DPYD: variants seen among roughly 807,000 people sequenced by gnomAD.
DPYD encodes the protein dihydropyrimidine dehydrogenase.
A neutral mutation model predicts 116.2 loss-of-function variants in DPYD; 109 were observed. That is an observed-to-expected ratio of 0.94 (90% CI 0.80 to 1.10). The LOEUF (loss-of-function observed/expected upper bound fraction) is 1.10. DPYD is among the 50% of genes least tolerant of loss of function. The pLI, the probability that DPYD is intolerant of heterozygous loss-of-function variation, is 0.00. For missense variants in DPYD, 1,302 were observed against 1,254.5 expected (o/e 1.04, Z -0.57); for synonymous variants, 440 against 432.0 (o/e 1.02, Z -0.23).
intron 11 of DPYD, among the ~76,000 whole-genome samples, chr1:97,570,485 G>C (rs1652818498): frequency 6.6e-6 from 1 of 151,910 alleles, no homozygotes; most frequent in South Asian, 2.1e-4. Flanking sequence ...AGAAAATATA[G>C]GTGGATACAC....
chr1:97,133,586 C>T (rs1653497428), intron 20 of DPYD, among the ~76,000 whole-genome samples: 1 of 152,114 alleles, frequency 6.6e-6, no homozygotes, highest in South Asian at 2.1e-4. Context: ...TGATCTTTTT[C>T]TTCTGTAATT....
intron 2 of DPYD, among the ~76,000 whole-genome samples, chr1:97,844,292 CG>C (rs1670182272): frequency 6.6e-6 from 1 of 152,122 alleles, no homozygotes; most frequent in Non-Finnish European, 1.5e-5. Flanking sequence ...TCTCAGAAGT[CG>C]TAAGTGTCTT....
intron 16 of DPYD, among the ~76,000 whole-genome samples, chr1:97,310,087 C>G (rs1270693972): frequency 1.3e-5 from 2 of 151,730 alleles, no homozygotes; most frequent in Non-Finnish European, 2.9e-5. Context: ...ACATTTCTCT[C>G]CCATTTACCT....
At chr1:97,507,968 G>A (rs572767948) in intron 13 of DPYD, among the ~76,000 whole-genome samples, 2 of 152,044 alleles carry the variant, frequency 1.3e-5, no homozygotes, top group South Asian at 2.1e-4. Context: ...GCTGTCATGT[G>A]GAATTGTGGT....
chr1:97,793,979 C>A (rs1240833224), intron 3 of DPYD, among the ~76,000 whole-genome samples: 1 of 152,074 alleles, frequency 6.6e-6, no homozygotes, highest in Admixed American at 6.6e-5. Context: ...CTCCAGTCGC[C>A]CAAGCTAGAG....
chr1:97,894,930 G>C (rs988332447), intron 1 of DPYD, among the ~76,000 whole-genome samples: 2 of 151,412 alleles, frequency 1.3e-5, no homozygotes, highest in Non-Finnish European at 3.0e-5. Context: ...AATACACGTT[G>C]GAATATCTTG....
chr1:97,179,143 A>G (rs1290870049), intron 20 of DPYD, among the ~76,000 whole-genome samples: 2 of 152,200 alleles, frequency 1.3e-5, no homozygotes, highest in African/African-American at 2.4e-5. Flanking sequence ...AGCACTAGCA[A>G]TATCTACCAC....
At chr1:97,128,211 T>C (rs1652996881) in intron 20 of DPYD, among the ~76,000 whole-genome samples, 2 of 152,330 alleles carry the variant, frequency 1.3e-5, no homozygotes, top group East Asian at 3.9e-4. Context: ...ATAAGTTTTC[T>C]CACCCCAAAA....
intron 20 of DPYD, among the ~76,000 whole-genome samples, chr1:97,156,871 T>A (rs1200151827): frequency 6.6e-6 from 1 of 151,892 alleles, no homozygotes; most frequent in Non-Finnish European, 1.5e-5. Context: ...CCAACCCAAA[T>A]GTCCAACAAT....
intron 13 of DPYD, among the ~76,000 whole-genome samples, chr1:97,492,853 A>G (rs1002367016): frequency 1.3e-5 from 2 of 152,180 alleles, no homozygotes; most frequent in African/African-American, 4.8e-5. Context: ...AACAAAATCC[A>G]TTTGAAATAC....
At chr1:97,537,999 G>A (rs917501229) in intron 12 of DPYD, among the ~76,000 whole-genome samples, 6 of 151,766 alleles carry the variant, frequency 4.0e-5, no homozygotes, top group Non-Finnish European at 7.4e-5. Flanking sequence ...CCCGGGAGGC[G>A]GAGGTTGCAG....
chr1:97,182,560 C>A (rs2101801663), intron 20 of DPYD, among the ~76,000 whole-genome samples: 1 of 152,206 alleles, frequency 6.6e-6, no homozygotes, highest in East Asian at 1.9e-4. Flanking sequence ...CAAATATCAT[C>A]TGGAACTTTT....
At chr1:97,714,655 C>T (rs138060286) in intron 5 of DPYD, among the ~76,000 whole-genome samples, 9 of 49,928 alleles carry the variant, frequency 1.8e-4, no homozygotes, top group African/African-American at 4.3e-4. Flanking sequence ...AAAGAAAAGA[C>T]AAAAAAAAAA....
At chr1:97,280,765 A>G (rs1217653583) in intron 18 of DPYD, among the ~76,000 whole-genome samples, 2 of 152,160 alleles carry the variant, frequency 1.3e-5, no homozygotes, top group African/African-American at 2.4e-5. Flanking sequence ...GGGCCTGGAT[A>G]GGTTAGTCAA....
At chr1:97,587,592 G>A (rs747365009) in intron 10 of DPYD, among the ~76,000 whole-genome samples, 39 of 152,152 alleles carry the variant, frequency 2.6e-4, no homozygotes, top group South Asian at 2.1e-4. Context: ...TTGGGAGGCC[G>A]AGGAGGGCGG....
chr1:97,871,426 A>C lies in DPYD; in HGVS notation c.150+11838T>G, dbSNP rs535647616. ...ACTCTTGGGCCATTCTAAGAGAGGG[A>C]ACACATTTCAGGTTAGCAGTTAGTA... On this transcript the variant is annotated intron_variant, in intron 2 of 22. Coordinates refer to ENST00000370192, the MANE Select transcript of DPYD (RefSeq NM_000110.4). Among the ~76,000 whole-genome samples, 238 of 151,866 alleles carry C rather than the reference A, an allele frequency of 1.6e-3. 2 individuals carry two copies. The highest frequency in any genetic ancestry group is 5.2e-3 in the African/African-American group (215 of 41,502).
At chr1:97,919,207 T>C (rs1176010136) in intron 1 of DPYD, among the ~76,000 whole-genome samples, 5 of 152,216 alleles carry the variant, frequency 3.3e-5, no homozygotes, top group Admixed American at 1.3e-4. Flanking sequence ...GATTAAAGTG[T>C]TGCACATATG....
At chr1:97,393,015 G>A (rs116314519) in intron 14 of DPYD, among the ~76,000 whole-genome samples, 1 of 152,084 alleles carries the variant, frequency 6.6e-6, no homozygotes, top group South Asian at 2.1e-4. Context: ...CCACTAAAAT[G>A]TTCTCCATAC....
rs1003070346 is a variant in DPYD at position 97,822,474 on chromosome 1, G to T, written c.233+5640C>A. 2.7e-5 allele frequency among the ~76,000 whole-genome samples: 4 copies of T among 149,908 alleles called. No homozygotes were observed. The Admixed American group carries it at 2.7e-4, about 10-fold the overall frequency. On this transcript the variant is annotated intron_variant, in intron 3 of 22. Coordinates refer to ENST00000370192, the MANE Select transcript of DPYD (RefSeq NM_000110.4). ...TAATTGCCTTGTCTATTGTCTTAAT[G>T]GTAGACAATTAGTTCCTGTAAAATT...
Sources: allele counts gnomAD v4.1 joint callset (sites outside exome capture counted in the v4.1 genomes callset), GRCh38; gene constraint gnomAD v4.1.1; transcripts MANE v1.5; gene names NCBI Gene and HGNC (gene_info 2026-07-23, HGNC 2026-07-21).